ANO1: variants seen among roughly 807,000 people sequenced by gnomAD.
ANO1 encodes anoctamin-1.
Under a neutral mutation model 124.0 loss-of-function variants are expected in ANO1, and 59 were observed. The ratio of observed to expected loss-of-function variants is 0.48; its 90% CI spans 0.39 to 0.59. The LOEUF is 0.59. Ranked by LOEUF, ANO1 falls within the 20% of genes least tolerant of loss-of-function variation. The pLI is 0.00. For synonymous variants in ANO1, 529 were observed against 532.0 expected, an observed-to-expected ratio of 0.99 and a Z score of 0.08; for missense variants, 1,059 against 1,328.0, an observed-to-expected ratio of 0.80 and a Z score of 3.15.
At chr11:70,145,943 CAAA>C (rs10589426) in intron 11 of ANO1, among the ~76,000 whole-genome samples, 6,387 of 108,624 alleles carry the variant, frequency 0.059, 410 homozygotes, top group African/African-American at 0.2. Context: ...TCTCAAAAAA[CAAA>C]AAAAAAAAAA....
chr11:70,049,022 C>T (rs1042590410), intron 1 of ANO1, among the ~76,000 whole-genome samples: 2 of 152,104 alleles, frequency 1.3e-5, no homozygotes, highest in African/African-American at 4.8e-5. Context: ...CTTCCTGAAC[C>T]ACAACTGTTT....
chr11:70,006,563 TTTTCTTTC>T (rs374548961), intron 1 of ANO1, among the ~76,000 whole-genome samples: 1 of 109,412 alleles, frequency 9.1e-6, no homozygotes, highest in Non-Finnish European at 2.1e-5. Context: ...TCTTTCTTTC[TTTTCTTTC>T]TTTCTTTCTT....
chr11:70,155,728 C>G (rs930792464), intron 14 of ANO1, among the ~76,000 whole-genome samples, 183 bp from the exon 15 acceptor site: 1 of 152,230 alleles, frequency 6.6e-6, no homozygotes, highest in Non-Finnish European at 1.5e-5. Flanking sequence ...GAACGTAGGT[C>G]TCTGCCGTCT....
At chr11:70,004,933 C>T (rs1856457997) in intron 1 of ANO1, among the ~76,000 whole-genome samples, 3 of 151,970 alleles carry the variant, frequency 2.0e-5, no homozygotes. Flanking sequence ...GCCAACATTG[C>T]AAAACCCCGT....
intron 1 of ANO1, among the ~76,000 whole-genome samples, chr11:70,061,422 A>C (rs1857573798): frequency 6.7e-6 from 1 of 149,776 alleles, no homozygotes; most frequent in African/African-American, 2.5e-5. Context: ...GGGTGCCAGA[A>C]CTCCAATTTT....
intron 22 of ANO1, 23 bp downstream of exon 22, chr11:70,171,062 A>C (rs767648004): frequency 6.2e-7 from 1 of 1,607,926 alleles, no homozygotes; most frequent in Non-Finnish European, 8.5e-7. Context: ...ACGGGCCGGC[A>C]GAACCGGTTC....
chr11:70,118,269 G>A (rs2046076599), intron 8 of ANO1, among the ~76,000 whole-genome samples: 1 of 151,852 alleles, frequency 6.6e-6, no homozygotes, highest in African/African-American at 2.4e-5. Flanking sequence ...TTGGCTGATG[G>A]TCACGTCAGT....
chr11:70,001,583 T>C (rs115144953), intron 1 of ANO1, among the ~76,000 whole-genome samples: 49 of 152,158 alleles, frequency 3.2e-4, no homozygotes, highest in African/African-American at 1.1e-3. Flanking sequence ...CACAAAAGGG[T>C]ACATGATCCC....
In ANO1 at chr11:70,189,188, A is replaced by G. The variant is rs1246423371; in HGVS notation, c.*1184A>G. ...ACTCTCTGAAATTTCTCAAGCACCA[A>G]GAGAAACATCATTTTAGCAAAGGCC... On this transcript the variant is annotated 3_prime_UTR_variant, in exon 26 of 26. Coordinates refer to ENST00000355303, the MANE Select transcript of ANO1 (RefSeq NM_018043.7). The G allele has an allele frequency of 1.3e-5, 2 of 152,618 alleles. No homozygotes were observed. The highest frequency in any genetic ancestry group is 4.8e-5 in the African/African-American group (2 of 41,458). The allele number at this position is 152,618 out of a possible 1,614,324, so 9.5% of individuals were successfully genotyped here.
intron 11 of ANO1, among the ~76,000 whole-genome samples, chr11:70,142,061 C>G (rs2135576218): frequency 6.6e-6 from 1 of 152,348 alleles, no homozygotes; most frequent in African/African-American, 2.4e-5. Flanking sequence ...TTGCTGCTGT[C>G]TGGAATTTCT....
At chr11:70,054,867 C>T (rs1237579560) in intron 1 of ANO1, among the ~76,000 whole-genome samples, 3 of 152,154 alleles carry the variant, frequency 2.0e-5, no homozygotes. Flanking sequence ...TCTTTTTAGG[C>T]TCAAATGCAT....
At chr11:70,111,870 C>A in intron 7 of ANO1, 108 bp downstream of exon 7, 2 of 1,167,368 alleles carry the variant, frequency 1.7e-6, no homozygotes, top group Non-Finnish European at 2.6e-6. Context: ...CAGCTTCCTG[C>A]TTGGCTCTCG....
At position 70,113,033 on chromosome 11, in the gene ANO1, A is replaced by G. The variant is rs2045850151; in HGVS notation, c.855+1271A>G. On this transcript the variant is annotated intron_variant, in intron 7 of 25. Transcript: ENST00000355303. ...CCTGTCAGGGCCTCCTCCTCACTGT[A>G]GGTCCGGGGATTGGGGTGGTTGAGC... Among the ~76,000 whole-genome samples, 3 of 152,186 alleles carry G rather than the reference A, an allele frequency of 2.0e-5. No homozygotes were observed. In the South Asian group the frequency reaches 6.2e-4, roughly 32 times the overall value.
rs1274849950 is a variant in ANO1, at chr11:70,170,936, C to T, written c.2247C>T (p.Ala749=). The T allele has an allele frequency of 6.2e-7, 1 of 1,613,550 alleles. No homozygotes were observed. The highest frequency in any genetic ancestry group is 1.7e-5 in the Admixed American group (1 of 59,926). ...TGTTTGTCGCCTCCTTCCCCCTGGC[C>T]CCACTGTTTGCGCTGCTGAACAACA... ...VTLFVASFPL[A]PLFALLNNII... is the part of the protein sequence containing the mutation. Residue 749 remains alanine (A), a synonymous_variant, in exon 22 of 26, where the codon GCC becomes GCT. Coordinates refer to ENST00000355303, the MANE Select transcript of ANO1 (RefSeq NM_018043.7).
intron 8 of ANO1, among the ~76,000 whole-genome samples, chr11:70,123,708 T>G (rs1394228661): frequency 6.6e-6 from 1 of 152,192 alleles, no homozygotes; most frequent in African/African-American, 2.4e-5. Flanking sequence ...GCGGGCATGA[T>G]GTATGAGCCT....
At chr11:70,111,821 G>C in intron 7 of ANO1, 59 bp downstream of exon 7, 1 of 1,565,908 alleles carries the variant, frequency 6.4e-7, no homozygotes, top group Admixed American at 1.7e-5. Flanking sequence ...AATCCCGCCG[G>C]GCCACACCCC....
At chr11:70,008,425 C>T (rs1199496978) in intron 1 of ANO1, among the ~76,000 whole-genome samples, 5 of 152,106 alleles carry the variant, frequency 3.3e-5, no homozygotes, top group South Asian at 2.1e-4. Flanking sequence ...TTGTATATGG[C>T]GTAAGGTAAG....
intron 1 of ANO1, among the ~76,000 whole-genome samples, chr11:70,000,899 G>C (rs1554999162): frequency 6.6e-6 from 1 of 150,994 alleles, no homozygotes; most frequent in Admixed American, 6.6e-5. Flanking sequence ...GAACAAAAAA[G>C]GCCAGCACAA....
chr11:70,002,969 A>G (rs1554999580), intron 1 of ANO1, among the ~76,000 whole-genome samples: 1 of 152,140 alleles, frequency 6.6e-6, no homozygotes, highest in African/African-American at 2.4e-5. Flanking sequence ...TTCAGGAAGG[A>G]TTTTCTGAGC....
Sources: gnomAD v4.1 joint callset for allele counts (sites outside exome capture counted in the v4.1 genomes callset) on GRCh38, gnomAD v4.1.1 for gene constraint, MANE v1.5 for transcripts, NCBI Gene and HGNC (gene_info 2026-07-23, HGNC 2026-07-21) for gene names.